Variants in TMPRSS13 observed in about 807,000 individuals in gnomAD.
The protein encoded by TMPRSS13 is transmembrane protease serine 13.
A neutral mutation model predicts 68.4 loss-of-function variants in TMPRSS13; 50 were observed. The ratio of observed to expected loss-of-function variants is 0.73; its 90% CI spans 0.58 to 0.93. The LOEUF (loss-of-function observed/expected upper bound fraction) is 0.93. Among genes scored for constraint, TMPRSS13 ranks in the 40% least tolerant of loss-of-function variants. TMPRSS13 has a pLI of 0.00. For missense variants in TMPRSS13, 615 were observed against 729.2 expected, an observed-to-expected ratio of 0.84 and a Z score of 1.80; for synonymous variants, 267 against 285.8, an observed-to-expected ratio of 0.93 and a Z score of 0.66.
rs190994759 is a variant in TMPRSS13 at position 117,902,263 on chromosome 11, G to A, written c.1680C>T (p.Ser560=). 56 of 1,613,358 alleles carry A rather than the reference G, an allele frequency of 3.5e-5. No individual in the cohort carries two copies. Among genetic ancestry groups the A allele is most frequent in the Middle Eastern group, 3.3e-4 (2 of 6,076 alleles). Residue 560 remains serine, a splice_region_variant and synonymous_variant, in exon 13 of 13, where the codon AGC becomes AGT. Coordinates refer to ENST00000524993, the MANE Select transcript of TMPRSS13 (RefSeq NM_001077263.3). ...VLPWIYSKME[S]EVRFRKS is the part of the protein sequence containing the mutation. ...GTTAGGATTTTCTGAATCGCACCTC[G>A]CTCTGAGGAAGAGAATGGGAGAAGA...
rs1003120099 is a variant in TMPRSS13 at position 117,917,261 on chromosome 11, G to T, written c.465C>A (p.Pro155=). ...TCTGGCCCTCCCGCCAGGTGAACTT[G>T]GGCAGGCTCGTACCTAGGAGCAGGG... ...ATRESPGTSL[P]KFTWREGQKQ... is the part of the protein sequence containing the mutation. The change falls in exon 3 of 13, where the codon CCC becomes CCA. Residue 155 remains proline, a synonymous_variant. Coordinates refer to ENST00000524993, the MANE Select transcript of TMPRSS13 (RefSeq NM_001077263.3). 1.2e-6 allele frequency: 2 copies of T among 1,612,216 alleles called. No homozygotes were observed. Among genetic ancestry groups the T allele is most frequent in the Non-Finnish European group, 1.7e-6 (2 of 1,179,908 alleles).
intron 12 of TMPRSS13, 116 bp downstream of exon 12, chr11:117,903,539 C>T (rs753559242): frequency 1.3e-6 from 2 of 1,568,900 alleles, no homozygotes; most frequent in East Asian, 2.3e-5. Context: ...CAGAACACCC[C>T]CCGAATATGG....
rs922253914 is a variant in TMPRSS13 at position 117,909,514 on chromosome 11, A to G, written c.1109+292T>C. On this transcript the variant is annotated intron_variant, in intron 8 of 12. Transcript: ENST00000524993. The stretch of plus-strand genomic sequence containing the variant: ...CAGCAACAAACCCAACGCCTTTTTC[A>G]TTTCACCCTGTTCTTCAGGGGCAGG... 2.0e-5 allele frequency among the ~76,000 whole-genome samples: 3 copies of G among 152,074 alleles called. No individual in the cohort carries two copies. The East Asian group carries it at 5.8e-4, about 29-fold the overall frequency.
intron 12 of TMPRSS13, chr11:117,902,894 G>A: frequency 3.4e-6 from 3 of 871,416 alleles, no homozygotes; most frequent in Non-Finnish European, 4.2e-6. Context: ...GAGGGTGGAA[G>A]TGGGAGAGGG....
chr11:117,925,626 C>A (rs1399535570), intron 1 of TMPRSS13, among the ~76,000 whole-genome samples: 3 of 152,048 alleles, frequency 2.0e-5, no homozygotes, highest in Admixed American at 2.0e-4. Flanking sequence ...GGGAAACCAA[C>A]CCCCATCTGG....
chr11:117,914,556 A>G lies in TMPRSS13; in HGVS notation c.557-42T>C. ...AGACAGCTGGGTCATGGCCAGCCCC[A>G]CTGAGATGAGACACTGAGCAGCCCA... On this transcript the variant is annotated intron_variant, in intron 3 of 12. Transcript: ENST00000524993. This position sits in a 1 kb window ranked among gnomAD's most constrained non-coding sequence, Gnocchi z 4.2. The G allele has an allele frequency of 3.7e-6, 6 of 1,610,432 alleles. No individual in the cohort carries two copies. Among genetic ancestry groups the G allele is most frequent in the Non-Finnish European group, 5.1e-6 (6 of 1,179,444 alleles).
Position 117,922,275 on chromosome 11 carries a change from G to A in TMPRSS13, c.22-3437C>T, listed in dbSNP as rs893266065. Reference sequence around the variant, plus strand: ...CTTTGAGACAGAGTCTCACTCTGTCGCCAGGCTGGAGTACAGTGGCGTGAT... The same window carrying A: ...CTTTGAGACAGAGTCTCACTCTGTCACCAGGCTGGAGTACAGTGGCGTGAT... On this transcript the variant is annotated intron_variant, in intron 1 of 12. Coordinates refer to ENST00000524993, the MANE Select transcript of TMPRSS13 (RefSeq NM_001077263.3). The surrounding 1 kb of genome is among the most constrained non-coding windows in gnomAD (Gnocchi z 4.2). 5.3e-5 allele frequency among the ~76,000 whole-genome samples: 8 copies of A among 152,008 alleles called. No homozygotes were observed. Among genetic ancestry groups the A allele is most frequent in the East Asian group, 1.9e-4 (1 of 5,174 alleles).
intron 1 of TMPRSS13, among the ~76,000 whole-genome samples, chr11:117,921,849 C>G (rs1306791705): frequency 6.6e-6 from 1 of 152,108 alleles, no homozygotes; most frequent in Non-Finnish European, 1.5e-5. Context: ...ATGAAGAGAA[C>G]TACAAGTCCC....
Position 117,914,378 on chromosome 11 carries a change from C to T in TMPRSS13, c.679+14G>A. On this transcript the variant is annotated intron_variant, in intron 4 of 12. Transcript: ENST00000524993. This position sits in a 1 kb window ranked among gnomAD's most constrained non-coding sequence, Gnocchi z 4.2. ...ATGCACACGCACGCGCTCCCCCGCACCCAGCCTCCTTACCGCAGCCCAGCT... is the reference window on the plus strand; with the variant it reads ...ATGCACACGCACGCGCTCCCCCGCATCCAGCCTCCTTACCGCAGCCCAGCT... 15 of 1,613,262 alleles carry T rather than the reference C, an allele frequency of 9.3e-6. No individual in the cohort carries two copies. Among genetic ancestry groups the T allele is most frequent in the Non-Finnish European group, 1.3e-5 (15 of 1,179,952 alleles).
chr11:117,912,585 C>T (rs566639011), intron 5 of TMPRSS13, among the ~76,000 whole-genome samples: 3 of 152,352 alleles, frequency 2.0e-5, no homozygotes, highest in Admixed American at 6.5e-5. Flanking sequence ...TGGTACACCC[C>T]TGCGTGACGC....
At position 117,914,901 on chromosome 11, in the gene TMPRSS13, C is replaced by T. The variant is rs2057560384; in HGVS notation, c.557-387G>A. Among the ~76,000 whole-genome samples, 1 of 152,198 alleles carries T rather than the reference C, an allele frequency of 6.6e-6. No individual in the cohort carries two copies. The highest frequency in any genetic ancestry group is 1.5e-5 in the Non-Finnish European group (1 of 68,032). On this transcript the variant is annotated intron_variant, in intron 3 of 12. Coordinates refer to ENST00000524993, the MANE Select transcript of TMPRSS13 (RefSeq NM_001077263.3). This position sits in a 1 kb window ranked among gnomAD's most constrained non-coding sequence, Gnocchi z 4.2. Reference sequence around the variant, plus strand: ...CCCTCTCAGAACCCCTCTGCCATCCCATCTTCTCTGTGCTCCGCAGGGTCA... The same window carrying T: ...CCCTCTCAGAACCCCTCTGCCATCCTATCTTCTCTGTGCTCCGCAGGGTCA...
rs1344870480 is a variant in TMPRSS13 at position 117,922,652 on chromosome 11, T to G, written c.22-3814A>C. Among the ~76,000 whole-genome samples the G allele has an allele frequency of 6.6e-6, 1 of 152,214 alleles. No homozygotes were observed. The highest frequency in any genetic ancestry group is 1.5e-5 in the Non-Finnish European group (1 of 68,034). The stretch of plus-strand genomic sequence containing the variant: ...AAGTGGAAGTGAAATGACCAACTCC[T>G]TGATGTGTCCTGGTGTCTCCACAAC... On this transcript the variant is annotated intron_variant, in intron 1 of 12. Transcript: ENST00000524993. The surrounding 1 kb of genome is among the most constrained non-coding windows in gnomAD (Gnocchi z 4.2).
At chr11:117,906,563 G>C (rs137999087) in intron 9 of TMPRSS13, among the ~76,000 whole-genome samples, 39 of 152,274 alleles carry the variant, frequency 2.6e-4, no homozygotes, top group African/African-American at 8.9e-4. Flanking sequence ...TAGAGACAAG[G>C]CAGGAAGCGT....
intron 1 of TMPRSS13, among the ~76,000 whole-genome samples, chr11:117,927,222 C>T (rs532357458): frequency 1.2e-4 from 19 of 152,318 alleles, no homozygotes; most frequent in Non-Finnish European, 2.4e-4. Context: ...TCTCCGACCA[C>T]GCAGCTGTGT....
rs491822 is a variant in TMPRSS13, at chr11:117,902,133, C to T, written c.*106G>A. ...GCAGCAGACAGTGGAGGTGGGAGTC[C>T]GATGGTGCCCGGTGGCCATTAGCCC... On this transcript the variant is annotated 3_prime_UTR_variant, in exon 13 of 13. Coordinates refer to ENST00000524993, the MANE Select transcript of TMPRSS13 (RefSeq NM_001077263.3). The T allele has an allele frequency of 0.4, 506,651 of 1,279,594 alleles. 103,013 individuals are homozygous for T. Among genetic ancestry groups the T allele is most frequent in the East Asian group, 0.63 (25,561 of 40,806 alleles). The allele number at this position is 1,279,594 out of a possible 1,614,324, so 79.3% of individuals were successfully genotyped here.
rs940269179 is a variant in TMPRSS13, at chr11:117,915,575, G to A, written c.557-1061C>T. 7.2e-5 allele frequency among the ~76,000 whole-genome samples: 11 copies of A among 152,214 alleles called. No homozygotes were observed. Among genetic ancestry groups the A allele is most frequent in the African/African-American group, 2.4e-4 (10 of 41,456 alleles). ...TGCTCATGGAGCCCCACGTGGATGT[G>A]TAGTGGAGAGGGTACTGGGCCGGGT... On this transcript the variant is annotated intron_variant, in intron 3 of 12. Coordinates refer to ENST00000524993, the MANE Select transcript of TMPRSS13 (RefSeq NM_001077263.3). The surrounding 1 kb of genome is among the most constrained non-coding windows in gnomAD (Gnocchi z 4.9).
At chr11:117,920,342 TGTTTGCTC>T (rs1241655946) in intron 1 of TMPRSS13, among the ~76,000 whole-genome samples, 3 of 151,528 alleles carry the variant, frequency 2.0e-5, no homozygotes, top group Non-Finnish European at 2.9e-5. Flanking sequence ...TTTGTTTGTT[TGTTTGCTC>T]GTTTGTTTTT....
chr11:117,905,573 AC>A, intron 10 of TMPRSS13, 64 bp downstream of exon 10: 6 of 1,358,198 alleles, frequency 4.4e-6, no homozygotes, highest in Non-Finnish European at 6.1e-6. Context: ...TTGCTTACAC[AC>A]GCACATGTAT....
rs745945875 is a variant in TMPRSS13 at position 117,914,442 on chromosome 11, C to T, written c.629G>A (p.Arg210His). The T allele has an allele frequency of 6.2e-6, 10 of 1,613,930 alleles. No homozygotes were observed. Among genetic ancestry groups the T allele is most frequent in the Non-Finnish European group, 8.5e-6 (10 of 1,180,036 alleles). Residue 210 changes from arginine to histidine, a missense_variant, in exon 4 of 13, where the codon CGC (arginine) becomes CAC (histidine). Coordinates refer to ENST00000524993, the MANE Select transcript of TMPRSS13 (RefSeq NM_001077263.3). The surrounding 1 kb of genome is among the most constrained non-coding windows in gnomAD (Gnocchi z 4.2). Reference protein sequence around the residue: ...QRESCPKHAVRCDGVVDCKLK... With the variant: ...QRESCPKHAVHCDGVVDCKLK... Reference sequence around the variant, plus strand: ...CTTGCAGTCCACCACCCCGTCACAGCGAACAGCGTGCTTGGGACAGCTCTC... The same window carrying T: ...CTTGCAGTCCACCACCCCGTCACAGTGAACAGCGTGCTTGGGACAGCTCTC...
Sources: gnomAD v4.1 joint callset for allele counts (sites outside exome capture counted in the v4.1 genomes callset) on GRCh38, gnomAD v4.1.1 for gene constraint, Gnocchi (gnomAD v3.1) non-coding constraint, MANE v1.5 for transcripts, NCBI Gene and HGNC (gene_info 2026-07-23, HGNC 2026-07-21) for gene names.